LGR5: variants seen among roughly 807,000 people sequenced by gnomAD.
The protein encoded by LGR5 is leucine rich repeat containing G protein-coupled receptor 5, also known as leucine-rich repeat-containing G protein-coupled receptor 5.
In LGR5, 54 loss-of-function variants were observed where a neutral mutation model predicts 76.7. The ratio of observed to expected loss-of-function variants is 0.70; its 90% CI spans 0.57 to 0.88. The LOEUF (loss-of-function observed/expected upper bound fraction) is 0.88. Ranked by LOEUF, LGR5 falls within the 40% of genes least tolerant of loss-of-function variation. The pLI is 0.00. For missense variants in LGR5, 1,078 were observed against 1,073.3 expected, an observed-to-expected ratio of 1.00 and a Z score of -0.06; for synonymous variants, 406 against 421.9, an observed-to-expected ratio of 0.96 and a Z score of 0.46.
chr12:71,461,259 C>T (rs1445686657), intron 1 of LGR5, among the ~76,000 whole-genome samples: 1 of 152,086 alleles, frequency 6.6e-6, no homozygotes, highest in Non-Finnish European at 1.5e-5. Flanking sequence ...CCTTTTATCT[C>T]CTGGGAATGA....
chr12:71,547,912 A>T (rs1260670635), intron 4 of LGR5, among the ~76,000 whole-genome samples: 1 of 152,138 alleles, frequency 6.6e-6, no homozygotes, highest in African/African-American at 2.4e-5. Context: ...ATGGCATAAG[A>T]TGTAGGGAAA....
rs1034264127 is a variant in LGR5, at chr12:71,440,044, G to A, written c.-37G>A. On this transcript the variant is annotated 5_prime_UTR_variant, in exon 1 of 18. Coordinates refer to ENST00000266674, the MANE Select transcript of LGR5 (RefSeq NM_003667.4). This position sits in a 1 kb window ranked among gnomAD's most constrained non-coding sequence, Gnocchi z 5.3. Reference sequence around the variant, plus strand: ...CCGTAGCAGTCCGGTGCTGCTCTCCGCCCGCGTCCGGCTCGTGGCCCCCTA... The same window carrying A: ...CCGTAGCAGTCCGGTGCTGCTCTCCACCCGCGTCCGGCTCGTGGCCCCCTA... 7 of 1,590,068 alleles carry A rather than the reference G, an allele frequency of 4.4e-6. No individual in the cohort carries two copies. In the African/African-American group the frequency reaches 8.0e-5, roughly 18 times the overall value.
intron 1 of LGR5, among the ~76,000 whole-genome samples, chr12:71,447,471 T>A (rs1313203681): frequency 6.6e-6 from 1 of 152,234 alleles, no homozygotes; most frequent in Non-Finnish European, 1.5e-5. Flanking sequence ...GTCTCTAGAA[T>A]GTTTTAAAAT....
At chr12:71,567,290 T>C in intron 11 of LGR5, 1 of 203,586 alleles carries the variant, frequency 4.9e-6, no homozygotes, top group Admixed American at 5.5e-5. Context: ...AACTGAGATC[T>C]CAGATCCACA....
chr12:71,554,119 A>G (rs1877641272), intron 5 of LGR5, among the ~76,000 whole-genome samples: 1 of 152,216 alleles, frequency 6.6e-6, no homozygotes. Context: ...ACATACAGCC[A>G]GCTCAATGGA....
intron 1 of LGR5, among the ~76,000 whole-genome samples, chr12:71,501,207 A>G (rs1354308643): frequency 6.6e-6 from 1 of 152,220 alleles, no homozygotes; most frequent in African/African-American, 2.4e-5. Flanking sequence ...AAAAGACCAA[A>G]TGCTATAGAA....
chr12:71,505,262 A>G (rs139410644), intron 2 of LGR5, among the ~76,000 whole-genome samples: 51 of 152,360 alleles, frequency 3.3e-4, no homozygotes, highest in African/African-American at 1.0e-3. Context: ...AATAAAAACT[A>G]AAAAAGGAGG....
chr12:71,512,533 T>A (rs1326496044), intron 2 of LGR5, among the ~76,000 whole-genome samples: 1 of 152,202 alleles, frequency 6.6e-6, no homozygotes. Flanking sequence ...TGGGTCTCAC[T>A]GGGAACCCAG....
intron 1 of LGR5, among the ~76,000 whole-genome samples, chr12:71,459,213 AGTT>A (rs1286845159): frequency 6.6e-6 from 1 of 152,132 alleles, no homozygotes; most frequent in East Asian, 1.9e-4. Context: ...AGCACTCTGC[AGTT>A]GTGTTCTGAT....
intron 1 of LGR5, among the ~76,000 whole-genome samples, chr12:71,488,509 G>A (rs1873932367): frequency 1.3e-5 from 2 of 152,118 alleles, no homozygotes; most frequent in African/African-American, 2.4e-5. Context: ...CAGTTTCCAC[G>A]TTCTAGGCCA....
chr12:71,486,827 GA>G (rs369680293), intron 1 of LGR5, among the ~76,000 whole-genome samples: 13,703 of 143,160 alleles, frequency 0.096, 661 homozygotes, highest in Non-Finnish European at 0.11. Context: ...TTCTAGCTGA[GA>G]AAAAAAAAAA....
intron 4 of LGR5, among the ~76,000 whole-genome samples, chr12:71,546,332 A>ATATG (rs1251541200): frequency 6.6e-6 from 1 of 151,490 alleles, no homozygotes; most frequent in Non-Finnish European, 1.5e-5. Context: ...ATATATATAT[A>ATATG]TATTAACTGT....
At chr12:71,579,890 AT>A (rs560595986) in intron 15 of LGR5, among the ~76,000 whole-genome samples, 1 of 152,174 alleles carries the variant, frequency 6.6e-6, no homozygotes, top group South Asian at 2.1e-4. Context: ...TTTCCAGTGC[AT>A]TTTTTATTGT....
chr12:71,484,594 A>C (rs1000832554), intron 1 of LGR5, among the ~76,000 whole-genome samples: 9 of 152,172 alleles, frequency 5.9e-5, no homozygotes, highest in Admixed American at 2.6e-4. Flanking sequence ...CCGAGGTTAC[A>C]GGCTTTTGAT....
Position 71,566,651 on chromosome 12 carries a change from C to G in LGR5, c.949C>G (p.Gln317Glu). The change falls in exon 10 of 18, where the codon CAA becomes GAA. Residue 317 changes from glutamine to glutamate, a missense_variant. Transcript: ENST00000266674. ...TTCTAGGACTCTGAATGGTGCCTCA[C>G]AAATAACTGAATTTCCTGATTTAAC... ...LRTLTLNGAS[Q>E]ITEFPDLTGT... The G allele has an allele frequency of 6.2e-7, 1 of 1,613,180 alleles. No homozygotes were observed. Among genetic ancestry groups the G allele is most frequent in the Non-Finnish European group, 8.5e-7 (1 of 1,179,286 alleles).
chr12:71,518,166 GA>G (rs1343993102), intron 2 of LGR5, among the ~76,000 whole-genome samples: 1 of 151,092 alleles, frequency 6.6e-6, no homozygotes, highest in South Asian at 2.1e-4. Context: ...AAATTTACAA[GA>G]AAAAAACAAA....
chr12:71,576,005 G>A lies in LGR5; in HGVS notation c.1209-1920G>A, dbSNP rs144677715. ...ACACAGGAACAGAAAACCAAACACTGCATGTTCTCACTTATAAGTGGGAGC... is the reference window on the plus strand; with the variant it reads ...ACACAGGAACAGAAAACCAAACACTACATGTTCTCACTTATAAGTGGGAGC... On this transcript the variant is annotated intron_variant, in intron 13 of 17. Coordinates refer to ENST00000266674, the MANE Select transcript of LGR5 (RefSeq NM_003667.4). Among the ~76,000 whole-genome samples the A allele has an allele frequency of 8.3e-4, 127 of 152,224 alleles. No individual in the cohort carries two copies. The East Asian group carries it at 0.023, about 28-fold the overall frequency.
intron 1 of LGR5, among the ~76,000 whole-genome samples, chr12:71,457,072 A>G (rs1314491376): frequency 6.6e-6 from 1 of 152,158 alleles, no homozygotes; most frequent in East Asian, 1.9e-4. Flanking sequence ...TTGGTCAGAT[A>G]AATCTCACTC....
chr12:71,517,583 G>A (rs1875507334), intron 2 of LGR5, among the ~76,000 whole-genome samples: 1 of 152,314 alleles, frequency 6.6e-6, no homozygotes, highest in Non-Finnish European at 1.5e-5. Flanking sequence ...AGCAGTGAGA[G>A]CTGATAAACA....
Sources: gnomAD v4.1 joint callset for allele counts (sites outside exome capture counted in the v4.1 genomes callset) on GRCh38, gnomAD v4.1.1 for gene constraint, Gnocchi (gnomAD v3.1) non-coding constraint, MANE v1.5 for transcripts, NCBI Gene and HGNC (gene_info 2026-07-23, HGNC 2026-07-21) for gene names.